CFAP45: variants seen among roughly 807,000 people sequenced by gnomAD.
The protein encoded by CFAP45 is cilia and flagella associated protein 45, also known as cilia- and flagella-associated protein 45.
A neutral mutation model predicts 75.6 loss-of-function variants in CFAP45; 43 were observed. The observed-to-expected ratio is 0.57, with a 90% CI of 0.45 to 0.73. The LOEUF is 0.73. Ranked by LOEUF, CFAP45 falls within the 30% of genes least tolerant of loss-of-function variation. The pLI is 0.00. For synonymous variants in CFAP45, 223 were observed against 244.6 expected, an observed-to-expected ratio of 0.91 and a Z score of 0.82; for missense variants, 689 against 701.5, an observed-to-expected ratio of 0.98 and a Z score of 0.20.
chr1:159,900,067 C>G, intron 1 of CFAP45, 29 bp downstream of exon 1: 6 of 1,613,932 alleles, frequency 3.7e-6, no homozygotes, highest in Non-Finnish European at 5.1e-6. Flanking sequence ...ATTCAGGACA[C>G]AAGGGGCCCA....
rs760785568 is a variant in CFAP45 at position 159,872,511 on chromosome 1, T to C, written c.1630A>G (p.Ile544Val). The C allele has an allele frequency of 6.2e-7, 1 of 1,614,090 alleles. No individual in the cohort carries two copies. Among genetic ancestry groups the C allele is most frequent in the South Asian group, 1.1e-5 (1 of 91,074 alleles). Reference protein sequence around the residue: ...YCIEAERKANILPATSVN With the variant: ...YCIEAERKANVLPATSVN Reference sequence around the variant, plus strand: ...CAGTTCACAGAGGTAGCTGGCAGGATGTTAGCTTTGCGCTCAGCTTCAATG... The same window carrying C: ...CAGTTCACAGAGGTAGCTGGCAGGACGTTAGCTTTGCGCTCAGCTTCAATG... The change falls in exon 12 of 12, where the codon ATC becomes GTC. Residue 544 changes from isoleucine (I) to valine (V), a missense_variant. Coordinates refer to ENST00000368099, the MANE Select transcript of CFAP45 (RefSeq NM_012337.3).
chr1:159,898,228 C>G (rs1039255471), intron 1 of CFAP45: 57 of 985,268 alleles, frequency 5.8e-5, no homozygotes, highest in Middle Eastern at 5.2e-4. Context: ...GAGTGATCCA[C>G]GCAATTATCC....
intron 2 of CFAP45, among the ~76,000 whole-genome samples, chr1:159,892,389 G>A (rs1649850071): frequency 6.6e-6 from 1 of 152,174 alleles, no homozygotes; most frequent in Non-Finnish European, 1.5e-5. Context: ...GGATTAAGAA[G>A]CCTATCTCAA....
chr1:159,878,753 T>TAAAAAAAAAAAAAGAAAAA (rs1649469918), intron 8 of CFAP45, among the ~76,000 whole-genome samples: 1 of 32,496 alleles, frequency 3.1e-5, no homozygotes, highest in Admixed American at 4.9e-4. Flanking sequence ...AGACTACATC[T>TAAAAAAAAAAAAAGAAAAA]AAAAAAAAAA....
At chr1:159,899,552 CCGCCTCCCGGGTTCA>C (rs1650024575) in intron 1 of CFAP45, among the ~76,000 whole-genome samples, 1 of 151,210 alleles carries the variant, frequency 6.6e-6, no homozygotes, top group African/African-American at 2.4e-5. Context: ...ACTGCAAGCT[CCGCCTCCCGGGTTCA>C]CGCCATTCTC....
chr1:159,893,058 T>C (rs988878693), intron 2 of CFAP45, 122 bp downstream of exon 2: 16 of 1,112,218 alleles, frequency 1.4e-5, no homozygotes, highest in Admixed American at 2.1e-5. Flanking sequence ...AATTCCCCTT[T>C]GTCTTCAGTC....
chr1:159,877,126 C>T (rs980414945), intron 9 of CFAP45, among the ~76,000 whole-genome samples: 3 of 152,188 alleles, frequency 2.0e-5, no homozygotes, highest in Admixed American at 6.5e-5. Flanking sequence ...TATGGAGCAG[C>T]GAAAAACTTT....
In CFAP45 at chr1:159,887,718, T is replaced by C. The variant is rs1234708454; in HGVS notation, c.588+123A>G. The C allele has an allele frequency of 3.0e-6, 3 of 988,412 alleles. No homozygotes were observed. In the African/African-American group the frequency reaches 4.9e-5, roughly 16 times the overall value. 61.2% of individuals were successfully genotyped at this position (988,412 alleles called of 1,614,324 possible). ...CTGCAACTACCACAGCAGGTGCAGC[T>C]CTCCCCCGCCCCACCCCTGCCCACA... On this transcript the variant is annotated intron_variant, in intron 5 of 11. Transcript: ENST00000368099.
chr1:159,889,957 G>C (rs940875927), intron 3 of CFAP45, among the ~76,000 whole-genome samples: 3 of 152,236 alleles, frequency 2.0e-5, no homozygotes, highest in Non-Finnish European at 4.4e-5. Flanking sequence ...GCTCAAGCCT[G>C]GGGGCAGCTC....
At position 159,876,694 on chromosome 1, in the gene CFAP45, T is replaced by C; in HGVS notation, c.1214A>G (p.Lys405Arg). 1 of 1,614,226 alleles carries C rather than the reference T, an allele frequency of 6.2e-7. No homozygotes were observed. Among genetic ancestry groups the C allele is most frequent in the Non-Finnish European group, 8.5e-7 (1 of 1,180,026 alleles). Residue 405 changes from lysine (K) to arginine (R), a missense_variant, in exon 10 of 12, where the codon AAG (lysine) becomes AGG (arginine). By Grantham distance (26) the Lys-to-Arg change is conservative. Coordinates refer to ENST00000368099, the MANE Select transcript of CFAP45 (RefSeq NM_012337.3). ...CTTCTTCCGCGCATTTTCCTTTTCCTTTCTGCGCCACTCTCTGTCTGCAAC... is the reference window on the plus strand; with the variant it reads ...CTTCTTCCGCGCATTTTCCTTTTCCCTTCTGCGCCACTCTCTGTCTGCAAC... ...QEVADREWRR[K>R]EKENARKKME...
Position 159,899,921 on chromosome 1 carries a change from T to C in CFAP45, c.3+175A>G, listed in dbSNP as rs1461498231. 5.1e-5 allele frequency: 32 copies of C among 624,360 alleles called. 1 individual carries two copies. The Admixed American group carries it at 8.5e-4, about 17-fold the overall frequency. 38.7% of individuals were successfully genotyped at this position (624,360 alleles called of 1,614,324 possible). A position where few individuals can be genotyped will look rare whatever the true frequency, so the allele number is the denominator to read the frequency against. On this transcript the variant is annotated intron_variant, in intron 1 of 11. Transcript: ENST00000368099. ...AATCGTTATCGATGCTATCCCTAAT[T>C]CCTCTTTTGAACCCACCTCAGGATC...
rs1176485327 is a variant in CFAP45, at chr1:159,886,620, C to T, written c.658G>A (p.Glu220Lys). 1 of 1,613,996 alleles carries T rather than the reference C, an allele frequency of 6.2e-7. No homozygotes were observed. Among genetic ancestry groups the T allele is most frequent in the Non-Finnish European group, 8.5e-7 (1 of 1,180,022 alleles). ...AACCGCTTCTCTTCTGTGTCCAGTT[C>T]TTTTTGGATCTGCTGCTTCTCCAGG... The part of the protein sequence containing the change: ...QILEKQQIQK[E>K]LDTEEKRLDQ... The change falls in exon 6 of 12, where the codon GAA becomes AAA. Residue 220 changes from glutamate to lysine, a missense_variant. Glu to Lys is a moderately conservative substitution (Grantham distance 56, BLOSUM62 1). Coordinates refer to ENST00000368099, the MANE Select transcript of CFAP45 (RefSeq NM_012337.3).
At chr1:159,881,218 T>C (rs1055728964) in intron 7 of CFAP45, among the ~76,000 whole-genome samples, 1 of 152,256 alleles carries the variant, frequency 6.6e-6, no homozygotes, top group African/African-American at 2.4e-5. Flanking sequence ...GGCCTTGTTA[T>C]CTCTCTTGCT....
At chr1:159,893,515 A>G (rs1649877864) in intron 1 of CFAP45, among the ~76,000 whole-genome samples, 1 of 152,238 alleles carries the variant, frequency 6.6e-6, no homozygotes, top group African/African-American at 2.4e-5. Context: ...GTCTCTGCAA[A>G]AAAAAGAGCT....
chr1:159,880,105 T>C (rs1291293829), intron 8 of CFAP45, among the ~76,000 whole-genome samples: 1 of 152,172 alleles, frequency 6.6e-6, no homozygotes, highest in Non-Finnish European at 1.5e-5. Context: ...GGTTCTTTGG[T>C]GGGAGATGGG....
At chr1:159,877,087 T>C (rs970317284) in intron 9 of CFAP45, among the ~76,000 whole-genome samples, 4 of 152,200 alleles carry the variant, frequency 2.6e-5, no homozygotes, top group Admixed American at 1.3e-4. Context: ...ACACATTTCA[T>C]TGGTTGGTTA....
At chr1:159,887,424 C>G (rs528689203) in intron 5 of CFAP45, among the ~76,000 whole-genome samples, 1 of 152,332 alleles carries the variant, frequency 6.6e-6, no homozygotes, top group East Asian at 1.9e-4. Context: ...TTTGGGTACT[C>G]CAAAAGCATC....
rs759943156 is a variant in CFAP45 at position 159,873,094 on chromosome 1, T to C, written c.1427A>G (p.Asn476Ser). Residue 476 changes from asparagine to serine, a missense_variant, in exon 11 of 12, where the codon AAT (asparagine) becomes AGT (serine). Transcript: ENST00000368099. ...KKATGRLQHA[N>S]ELRRQVRENQ... is the part of the protein sequence containing the mutation. The stretch of plus-strand genomic sequence containing the variant: ...CTCGCGCACCTGGCGCCGGAGCTCA[T>C]TGGCATGCTGTAAGCGCCCTGTGGC... The C allele has an allele frequency of 1.4e-5, 23 of 1,614,082 alleles. No individual in the cohort carries two copies. The highest frequency in any genetic ancestry group is 1.1e-4 in the East Asian group (5 of 44,874).
At chr1:159,890,744 C>T (rs1571187953) in intron 2 of CFAP45, 122 bp from the exon 3 acceptor site, 1 of 686,734 alleles carries the variant, frequency 1.5e-6, no homozygotes, top group Non-Finnish European at 2.3e-6. Flanking sequence ...GTGTACCGAC[C>T]AGCTTTTCTT....
Sources: allele counts gnomAD v4.1 joint callset (sites outside exome capture counted in the v4.1 genomes callset), GRCh38; gene constraint gnomAD v4.1.1; transcripts MANE v1.5; gene names NCBI Gene and HGNC (gene_info 2026-07-23, HGNC 2026-07-21).